Variants in EXOC4 observed in about 807,000 individuals in gnomAD.
The protein encoded by EXOC4 is SEC8-like 1.
In EXOC4, 71 loss-of-function variants were observed where a neutral mutation model predicts 107.2. That is an observed-to-expected ratio of 0.66 (90% confidence interval 0.55 to 0.81). The LOEUF (loss-of-function observed/expected upper bound fraction) is 0.81. Ranked by LOEUF, EXOC4 falls within the 30% of genes least tolerant of loss-of-function variation. The pLI is 0.00. For missense variants in EXOC4, 1,108 were observed against 1,189.6 expected (o/e 0.93, Z 1.01); for synonymous variants, 456 against 441.2 (o/e 1.03, Z -0.42).
intron 12 of EXOC4, among the ~76,000 whole-genome samples, chr7:133,913,133 T>C (rs527313777): frequency 6.6e-5 from 10 of 152,286 alleles, no homozygotes; most frequent in African/African-American, 2.4e-4. Flanking sequence ...AGATCCCATT[T>C]GGAAAACTTT....
downstream of EXOC4, among the ~76,000 whole-genome samples, chr7:134,068,648 G>T (rs368790844): frequency 6.6e-6 from 1 of 152,060 alleles, no homozygotes; most frequent in African/African-American, 2.4e-5. Context: ...TACTAATCTG[G>T]TGGGATCCTC....
chr7:133,811,456 G>A (rs1156375033), intron 10 of EXOC4, among the ~76,000 whole-genome samples: 2 of 152,144 alleles, frequency 1.3e-5, no homozygotes, highest in African/African-American at 4.8e-5. Context: ...TAGGTGAAAG[G>A]ATCCATCCAG....
chr7:133,786,073 A>T (rs1314124630), intron 10 of EXOC4, among the ~76,000 whole-genome samples: 1 of 152,230 alleles, frequency 6.6e-6, no homozygotes, highest in East Asian at 1.9e-4. Context: ...TATATCAATA[A>T]AGGGTTCTAT....
chr7:133,674,425 G>A (rs911802066), intron 10 of EXOC4, among the ~76,000 whole-genome samples: 3 of 151,980 alleles, frequency 2.0e-5, no homozygotes, highest in Non-Finnish European at 4.4e-5. Context: ...ATTTTATCAC[G>A]ATAATTACAT....
intron 12 of EXOC4, among the ~76,000 whole-genome samples, chr7:133,902,941 G>T (rs935826478): frequency 2.6e-5 from 4 of 152,304 alleles, no homozygotes; most frequent in African/African-American, 9.6e-5. Context: ...AGACTCAGGA[G>T]TGTGAGAGGA....
chr7:133,431,333 G>GA (rs758442761), intron 7 of EXOC4, among the ~76,000 whole-genome samples: 106 of 152,002 alleles, frequency 7.0e-4, no homozygotes, highest in Non-Finnish European at 1.2e-3. Context: ...TTCATAACAA[G>GA]AAAAAAACAT....
At chr7:133,381,431 T>A (rs1242486223) in intron 7 of EXOC4, among the ~76,000 whole-genome samples, 1 of 152,106 alleles carries the variant, frequency 6.6e-6, no homozygotes, top group African/African-American at 2.4e-5. Flanking sequence ...GATGAGTTGA[T>A]CCTTGGAGGA....
chr7:133,671,039 C>G (rs1397131859), intron 10 of EXOC4, among the ~76,000 whole-genome samples: 1 of 152,090 alleles, frequency 6.6e-6, no homozygotes, highest in Non-Finnish European at 1.5e-5. Context: ...CATGAGATAC[C>G]TGGGAGAGAC....
chr7:133,750,407 C>T lies in EXOC4; in HGVS notation c.1515-66918C>T, dbSNP rs535477505. Among the ~76,000 whole-genome samples, 143 of 152,036 alleles carry T rather than the reference C, an allele frequency of 9.4e-4. 3 individuals carry two copies. The highest frequency in any genetic ancestry group is 9.2e-3 in the Admixed American group (141 of 15,254). On this transcript the variant is annotated intron_variant, in intron 10 of 17. Coordinates refer to ENST00000253861, the MANE Select transcript of EXOC4 (RefSeq NM_021807.4). ...TTGGTTTTATATGGTGTTCCCTAATCGGAGATTCAGAGCACCATTGGTAGC... is the reference window on the plus strand; with the variant it reads ...TTGGTTTTATATGGTGTTCCCTAATTGGAGATTCAGAGCACCATTGGTAGC...
At chr7:133,345,105 G>C (rs950861028) in intron 5 of EXOC4, among the ~76,000 whole-genome samples, 3 of 152,134 alleles carry the variant, frequency 2.0e-5, no homozygotes, top group Admixed American at 1.3e-4. Context: ...AGTTTCCAAA[G>C]CTGAATGTTT....
chr7:133,672,519 A>T (rs1477641727), intron 10 of EXOC4, among the ~76,000 whole-genome samples: 8 of 152,114 alleles, frequency 5.3e-5, no homozygotes, highest in Non-Finnish European at 1.2e-4. Flanking sequence ...AAGACTATGG[A>T]TATAAACTTG....
At chr7:134,057,200 C>G (rs186002466) in intron 17 of EXOC4, among the ~76,000 whole-genome samples, 1 of 152,068 alleles carries the variant, frequency 6.6e-6, no homozygotes, top group Admixed American at 6.5e-5. Context: ...CAAAGAAGAC[C>G]GAGCAAGCCT....
At chr7:133,913,413 G>A (rs148281974) in intron 12 of EXOC4, among the ~76,000 whole-genome samples, 198 of 152,294 alleles carry the variant, frequency 1.3e-3, no homozygotes, top group South Asian at 2.1e-3. Context: ...GTAGCTGCAG[G>A]CGAGAAGCCC....
chr7:133,504,804 C>T (rs1239028560), intron 9 of EXOC4, among the ~76,000 whole-genome samples: 1 of 152,116 alleles, frequency 6.6e-6, no homozygotes, highest in Non-Finnish European at 1.5e-5. Context: ...CTCTTTTCCA[C>T]TTCCCATCTG....
At chr7:133,855,118 T>TATATATAAATATGTATATAA (rs1235039915) in intron 11 of EXOC4, among the ~76,000 whole-genome samples, 12 of 94,878 alleles carry the variant, frequency 1.3e-4, no homozygotes, top group Non-Finnish European at 2.0e-4. Context: ...TATATAAATA[T>TATATATAAATATGTATATAA]ATATATATAA....
At chr7:133,697,493 G>A (rs538283717) in intron 10 of EXOC4, among the ~76,000 whole-genome samples, 2 of 152,252 alleles carry the variant, frequency 1.3e-5, no homozygotes, top group Admixed American at 6.5e-5. Context: ...GGAATCCAGA[G>A]GTGTGTAACT....
intron 9 of EXOC4, among the ~76,000 whole-genome samples, chr7:133,620,974 C>T (rs1182724702): frequency 6.6e-6 from 1 of 152,148 alleles, no homozygotes; most frequent in Non-Finnish European, 1.5e-5. Context: ...TAAAAATATG[C>T]GTGGAGTCAC....
chr7:133,922,386 C>T (rs1012361927), intron 13 of EXOC4, among the ~76,000 whole-genome samples: 1 of 151,988 alleles, frequency 6.6e-6, no homozygotes, highest in African/African-American at 2.4e-5. Context: ...ATTTTTGGAC[C>T]TTATATAAAT....
the EXOC4 span, among the ~76,000 whole-genome samples, chr7:134,097,966 G>T: frequency 5.9e-5 from 9 of 152,298 alleles, no homozygotes; most frequent in African/African-American, 2.2e-4. Flanking sequence ...TGGATTCTCA[G>T]ATTCCAGTGT....
Sources: gnomAD v4.1 joint callset for allele counts (sites outside exome capture counted in the v4.1 genomes callset) on GRCh38, gnomAD v4.1.1 for gene constraint, MANE v1.5 for transcripts, NCBI Gene and HGNC (gene_info 2026-07-23, HGNC 2026-07-21) for gene names.